Variants in MYO1G observed in about 807,000 individuals in gnomAD.
MYO1G encodes the protein unconventional myosin-Ig.
Under a neutral mutation model 115.3 loss-of-function variants are expected in MYO1G, and 65 were observed. The ratio of observed to expected loss-of-function variants is 0.56; its 90% confidence interval spans 0.46 to 0.69. The LOEUF is 0.69. Among genes scored for constraint, MYO1G ranks in the 30% least tolerant of loss-of-function variants. The pLI, the probability that MYO1G is intolerant of heterozygous loss-of-function variation, is 0.00. For missense variants in MYO1G, 1,204 were observed against 1,393.5 expected, an observed-to-expected ratio of 0.86 and a Z score of 2.16; for synonymous variants, 510 against 552.6, an observed-to-expected ratio of 0.92 and a Z score of 1.08.
In MYO1G at chr7:44,974,538, G is replaced by A. The variant is rs181857241; in HGVS notation, c.618+636C>T. 1.9e-3 allele frequency: 307 copies of A among 157,842 alleles called. 5 individuals are homozygous for A. The highest frequency in any genetic ancestry group is 8.5e-5 in the Non-Finnish European group (6 of 70,830). The allele number at this position is 157,842 out of a possible 1,614,324, so 9.8% of individuals were successfully genotyped here. A position where few individuals can be genotyped will look rare whatever the true frequency, so the allele number is the denominator to read the frequency against. On this transcript the variant is annotated intron_variant, in intron 5 of 21. Transcript: ENST00000258787. Reference sequence around the variant, plus strand: ...CCAAGTCCCTAGAGACACTGCTCCAGTCATAGGGTGCTCCCAGTTCAGTGG... The same window carrying A: ...CCAAGTCCCTAGAGACACTGCTCCAATCATAGGGTGCTCCCAGTTCAGTGG...
intron 17 of MYO1G, among the ~76,000 whole-genome samples, chr7:44,965,358 C>A (rs569489092): frequency 6.6e-6 from 1 of 152,242 alleles, no homozygotes; most frequent in Non-Finnish European, 1.5e-5. Flanking sequence ...CTCAAGACCC[C>A]GCTCAGATGC....
In MYO1G at chr7:44,964,995, G is replaced by A. The variant is rs1201850845; in HGVS notation, c.2476C>T (p.Arg826Cys). The A allele has an allele frequency of 6.2e-7, 1 of 1,609,750 alleles. No homozygotes were observed. Among genetic ancestry groups the A allele is most frequent in the East Asian group, 2.2e-5 (1 of 44,764 alleles). The change falls in exon 18 of 22, where the codon CGT becomes TGT. Residue 826 changes from arginine (R) to cysteine (C), a missense_variant. Arg to Cys is a radical substitution (Grantham distance 180). Transcript: ENST00000258787. The surrounding 1 kb of genome is among the most constrained non-coding windows in gnomAD (Gnocchi z 5.1). ...VAAMGALQGL[R>C]QDWGCRRAWA... ...GCCCGTCGGCAGCCCCAGTCCTGAC[G>A]AAGCCCTTGCAGGGCCCCCATGGCG... is the stretch of plus-strand genomic sequence containing the variant.
chr7:44,975,456 T>A, intron 4 of MYO1G, 28 bp downstream of exon 4: 4 of 1,592,470 alleles, frequency 2.5e-6, no homozygotes, highest in Non-Finnish European at 3.4e-6. Flanking sequence ...GGGCTCCCCA[T>A]GGAGGTCTCC....
rs1415275728 is a variant in MYO1G at position 44,978,871 on chromosome 7, G to A, written c.91C>T (p.Leu31Phe). 4 of 1,613,972 alleles carry A rather than the reference G, an allele frequency of 2.5e-6. No homozygotes were observed. Among genetic ancestry groups the A allele is most frequent in the South Asian group, 2.2e-5 (2 of 91,094 alleles). ...TMEDFMRNLQ[L>F]RFEKGRIYTY... ...TGCCTCCTGCCCTGGGCCTACCTGAGCTGCAGGTTCCTCATGAAGTCCTCC... is the reference window on the plus strand; with the variant it reads ...TGCCTCCTGCCCTGGGCCTACCTGAACTGCAGGTTCCTCATGAAGTCCTCC... Residue 31 changes from leucine to phenylalanine, a missense_variant, in exon 1 of 22, where the codon CTC (leucine) becomes TTC (phenylalanine). Physicochemically the swap from Leu to Phe is conservative, Grantham distance 22. Coordinates refer to ENST00000258787, the MANE Select transcript of MYO1G (RefSeq NM_033054.3).
chr7:44,970,788 C>A (rs763084085), intron 8 of MYO1G, 47 bp downstream of exon 8: 20 of 1,613,358 alleles, frequency 1.2e-5, no homozygotes, highest in Middle Eastern at 1.6e-4. Context: ...TGGCCTCCCC[C>A]ATGAAGGCCT....
At position 44,966,760 on chromosome 7, in the gene MYO1G, G is replaced by A. The variant is rs757988932; in HGVS notation, c.1861C>T (p.Gln621Ter). Residue 621 changes from glutamine (Q) to a stop codon, truncating the protein, a stop_gained, in exon 15 of 22, where the codon CAG (glutamine) becomes TAG (stop). Transcript: ENST00000258787. LOFTEE classifies it high-confidence loss of function. The surrounding 1 kb of genome is among the most constrained non-coding windows in gnomAD (Gnocchi z 5.0). ...GKLDENHCRH[Q>*]VAYLGLLENV... ...TCCAGCAGCCCCAGGTATGCGACCT[G>A]GTGGCGACAGTGGTTCTCATCCAGC... 1.9e-6 allele frequency: 3 copies of A among 1,613,602 alleles called. No individual in the cohort carries two copies. Among genetic ancestry groups the A allele is most frequent in the Non-Finnish European group, 2.5e-6 (3 of 1,180,008 alleles).
Position 44,972,185 on chromosome 7 carries a change from T to C in MYO1G, c.659A>G (p.His220Arg). ...GTATACAGCAGGGTTTCTCTCCAAG[T>C]GCAGTTCATGCAGCTGCTTGTCCTC... Reference protein sequence around the residue: ...GSEDKQLHELHLERNPAVYNF... With the variant: ...GSEDKQLHELRLERNPAVYNF... The change falls in exon 6 of 22, where the codon CAC becomes CGC. Residue 220 changes from histidine (H) to arginine (R), a missense_variant. His to Arg is a conservative substitution (Grantham distance 29). Transcript: ENST00000258787. The C allele has an allele frequency of 6.2e-7, 1 of 1,614,114 alleles. No homozygotes were observed. The highest frequency in any genetic ancestry group is 8.5e-7 in the Non-Finnish European group (1 of 1,180,010).
intron 16 of MYO1G, 101 bp downstream of exon 16, chr7:44,965,972 A>C (rs2128701234): frequency 3.2e-6 from 5 of 1,545,800 alleles, no homozygotes; most frequent in East Asian, 2.3e-5. Flanking sequence ...TGTCTCCATC[A>C]AGCAGAGACT....
chr7:44,970,219 C>T (rs1794929591), intron 9 of MYO1G, 65 bp from the exon 10 acceptor site: 5 of 1,114,060 alleles, frequency 4.5e-6, no homozygotes, highest in Non-Finnish European at 6.7e-6. Context: ...TAATGGGTGG[C>T]TGCTCCCCTG....
chr7:44,976,702 C>G, intron 2 of MYO1G, 45 bp from the exon 3 acceptor site: 7 of 1,610,984 alleles, frequency 4.3e-6, no homozygotes, highest in Non-Finnish European at 5.9e-6. Context: ...GGTTCGCTCT[C>G]TTAGCCCAGC....
rs911277458 is a variant in MYO1G, at chr7:44,964,752, C to G, written c.2526+193G>C. Among the ~76,000 whole-genome samples, 1 of 152,178 alleles carries G rather than the reference C, an allele frequency of 6.6e-6. No homozygotes were observed. Among genetic ancestry groups the G allele is most frequent in the African/African-American group, 2.4e-5 (1 of 41,444 alleles). On this transcript the variant is annotated intron_variant, in intron 18 of 21. Transcript: ENST00000258787. The surrounding 1 kb of genome is among the most constrained non-coding windows in gnomAD (Gnocchi z 5.1). ...CCCTCCTGTCATCCACACCCACCCC[C>G]GAAGGCCACTGCTCCTGAAGCCCAG...
Position 44,962,762 on chromosome 7 carries a change from T to A in MYO1G, c.3034A>T (p.Thr1012Ser), listed in dbSNP as rs888765654. 13 of 1,481,372 alleles carry A rather than the reference T, an allele frequency of 8.8e-6. No homozygotes were observed. Among genetic ancestry groups the A allele is most frequent in the Admixed American group, 4.6e-5 (2 of 43,682 alleles). The allele number at this position is 1,481,372 out of a possible 1,614,324, so 91.8% of individuals were successfully genotyped here. The change falls in exon 22 of 22, where the codon ACC becomes TCC. Residue 1012 changes from threonine to serine, a missense_variant. By Grantham distance (58) the Thr-to-Ser change is moderately conservative. Coordinates refer to ENST00000258787, the MANE Select transcript of MYO1G (RefSeq NM_033054.3). This position sits in a 1 kb window ranked among gnomAD's most constrained non-coding sequence, Gnocchi z 5.3. The part of the protein sequence containing the change: ...PDFRCARGSF[T>S]LLWPSR ...GCTCAGCGGCTGGGCCAGAGCAGGG[T>A]GAAGGAGCCGCGAGCGCAGCGGAAA...
chr7:44,970,055 G>A lies in MYO1G; in HGVS notation c.1317C>T (p.Gly439=), dbSNP rs1223829083. ...KQEQEEYERE[G]ITWQSVEYFN... is the part of the protein sequence containing the mutation. Reference sequence around the variant, plus strand: ...CAGTGCTCACGCTCTGCCAGGTGATGCCCTCGCGCTCGTACTCTTCCTGTT... The same window carrying A: ...CAGTGCTCACGCTCTGCCAGGTGATACCCTCGCGCTCGTACTCTTCCTGTT... The change falls in exon 10 of 22, where the codon GGC becomes GGT. Residue 439 remains glycine (G), a synonymous_variant. Transcript: ENST00000258787. The A allele has an allele frequency of 6.2e-7, 1 of 1,613,906 alleles. No individual in the cohort carries two copies. The highest frequency in any genetic ancestry group is 2.2e-5 in the East Asian group (1 of 44,874).
chr7:44,975,437 T>C, intron 4 of MYO1G, 47 bp downstream of exon 4: 1 of 1,577,620 alleles, frequency 6.3e-7, no homozygotes. Context: ...CTGGGATGGG[T>C]CTCGGCCAGG....
intron 9 of MYO1G, 65 bp from the exon 10 acceptor site, chr7:44,970,219 C>G: frequency 9.0e-7 from 1 of 1,114,066 alleles, no homozygotes. Context: ...TAATGGGTGG[C>G]TGCTCCCCTG....
In MYO1G at chr7:44,964,578, A is replaced by C; in HGVS notation, c.2527-59T>G. On this transcript the variant is annotated intron_variant, in intron 18 of 21. Transcript: ENST00000258787. This position sits in a 1 kb window ranked among gnomAD's most constrained non-coding sequence, Gnocchi z 5.1. ...GGGATTGAGTCATGGGACCAGACTCAATTGATAGCAGCTGTCTGTGAATCA... is the reference window on the plus strand; with the variant it reads ...GGGATTGAGTCATGGGACCAGACTCCATTGATAGCAGCTGTCTGTGAATCA... The C allele has an allele frequency of 7.6e-7, 1 of 1,307,926 alleles. No individual in the cohort carries two copies. Among genetic ancestry groups the C allele is most frequent in the Non-Finnish European group, 1.1e-6 (1 of 902,930 alleles). The allele number at this position is 1,307,926 out of a possible 1,614,324, so 81.0% of individuals were successfully genotyped here.
Position 44,975,234 on chromosome 7 carries a change from A to G in MYO1G, c.565-7T>C. On this transcript the variant is annotated splice_region_variant and splice_polypyrimidine_tract_variant and intron_variant, in intron 4 of 21. Transcript: ENST00000258787. ...GCTGCTTGAGGACCCGAGACTGAGG[A>G]GAGAGGGGCAGATGGACTCAGGCCT... 6.2e-7 allele frequency: 1 copy of G among 1,613,800 alleles called. No homozygotes were observed. Among genetic ancestry groups the G allele is most frequent in the Non-Finnish European group, 8.5e-7 (1 of 1,179,920 alleles).
rs1794772080 is a variant in MYO1G at position 44,962,870 on chromosome 7, C to T, written c.2926G>A (p.Val976Ile). Residue 976 changes from valine (V) to isoleucine (I), a missense_variant, in exon 22 of 22, where the codon GTC (valine) becomes ATC (isoleucine). Val to Ile is a conservative substitution (Grantham distance 29, BLOSUM62 3). Transcript: ENST00000258787. This position sits in a 1 kb window ranked among gnomAD's most constrained non-coding sequence, Gnocchi z 5.3. ...TGGCTTAGTGGGATGCAGTCGGAGA[C>T]GCGAACCTCCAGGGTGCGGCCCTCC... is the stretch of plus-strand genomic sequence containing the variant. ...QGEGRTLEVRVSDCIPLSHRG... is the reference protein window; with the variant it reads ...QGEGRTLEVRISDCIPLSHRG... 6.7e-7 allele frequency: 1 copy of T among 1,497,512 alleles called. No individual in the cohort carries two copies. Among genetic ancestry groups the T allele is most frequent in the African/African-American group, 1.4e-5 (1 of 69,002 alleles). 92.8% of individuals were successfully genotyped at this position (1,497,512 alleles called of 1,614,324 possible).
Position 44,975,382 on chromosome 7 carries a change from C to A in MYO1G, c.564+102G>T, listed in dbSNP as rs1795029520. On this transcript the variant is annotated intron_variant, in intron 4 of 21. Coordinates refer to ENST00000258787, the MANE Select transcript of MYO1G (RefSeq NM_033054.3). ...GAGAAGGGCCACAGGGAGAGACAGC[C>A]CAGCCCTCCTAAGCTGCACCGTCGG... 7 of 1,534,360 alleles carry A rather than the reference C, an allele frequency of 4.6e-6. No homozygotes were observed. The South Asian group carries it at 8.0e-5, about 18-fold the overall frequency.
Sources: gnomAD v4.1 joint callset for allele counts (sites outside exome capture counted in the v4.1 genomes callset) on GRCh38, gnomAD v4.1.1 for gene constraint, Gnocchi (gnomAD v3.1) non-coding constraint, MANE v1.5 for transcripts, NCBI Gene and HGNC (gene_info 2026-07-23, HGNC 2026-07-21) for gene names.